The following PTPN3 variants were observed in gnomAD, a reference collection of about 807,000 sequenced individuals.
PTPN3 encodes the protein tyrosine-protein phosphatase non-receptor type 3.
Under a neutral mutation model 132.7 loss-of-function variants are expected in PTPN3, and 96 were observed. The observed-to-expected ratio is 0.72, with a 90% CI of 0.61 to 0.86. The LOEUF is 0.86. PTPN3 is among the 40% of genes least tolerant of loss of function. The pLI, the probability that PTPN3 is intolerant of heterozygous loss-of-function variation, is 0.00. For missense variants in PTPN3, 1,125 were observed against 1,159.6 expected (o/e 0.97, Z 0.43); for synonymous variants, 398 against 429.0 (o/e 0.93, Z 0.89).
At chr9:109,391,005 T>C (rs777346854) in intron 21 of PTPN3, 133 bp downstream of exon 21, 6 of 755,860 alleles carry the variant, frequency 7.9e-6, no homozygotes, top group East Asian at 2.7e-5. Flanking sequence ...TGCCCTCCCA[T>C]GGCTGTTGTG....
chr9:109,460,581 G>A (rs954051933), intron 2 of PTPN3, among the ~76,000 whole-genome samples: 5 of 152,078 alleles, frequency 3.3e-5, no homozygotes, highest in African/African-American at 9.7e-5. Flanking sequence ...GCAACCAAAG[G>A]AAGTGGGCTC....
Position 109,379,324 on chromosome 9 carries a change from T to C in PTPN3, c.*232A>G, listed in dbSNP as rs984822940. On this transcript the variant is annotated 3_prime_UTR_variant, in exon 26 of 26. Transcript: ENST00000374541. ...GACAGGCCCCAAACTGAGATCCTTT[T>C]TGTATCTTTCCATAGAAATACAGGC... The C allele has an allele frequency of 1.9e-6, 1 of 525,834 alleles. No individual in the cohort carries two copies. Among genetic ancestry groups the C allele is most frequent in the East Asian group, 3.2e-5 (1 of 30,972 alleles). The allele number at this position is 525,834 out of a possible 1,614,324, so 32.6% of individuals were successfully genotyped here.
At chr9:109,494,758 T>C (rs541167519) in intron 1 of PTPN3, among the ~76,000 whole-genome samples, 2 of 152,168 alleles carry the variant, frequency 1.3e-5, no homozygotes, top group East Asian at 3.9e-4. Context: ...ATACAAACTG[T>C]CTTTCCAAAT....
intron 13 of PTPN3, among the ~76,000 whole-genome samples, chr9:109,421,383 T>C (rs1364192372): frequency 6.6e-6 from 1 of 152,254 alleles, no homozygotes; most frequent in East Asian, 1.9e-4. Flanking sequence ...CTTTCTTTGT[T>C]AGCCATTTCT....
intron 14 of PTPN3, among the ~76,000 whole-genome samples, chr9:109,417,198 T>G (rs1372038982): frequency 2.0e-5 from 3 of 152,234 alleles, no homozygotes; most frequent in Non-Finnish European, 4.4e-5. Context: ...ATAACTATAA[T>G]CATAAACTTT....
chr9:109,422,924 C>CA, intron 12 of PTPN3, 72 bp from the exon 13 acceptor site: 1 of 1,526,542 alleles, frequency 6.6e-7, no homozygotes, highest in East Asian at 2.3e-5. Context: ...ATGTGTGAAA[C>CA]AGTCTACACA....
At chr9:109,534,283 G>A in the PTPN3 span, 1 of 1,542,256 alleles carries the variant, frequency 6.5e-7, no homozygotes. Context: ...GGCGGGGGGC[G>A]GCGAGCGGCA....
At chr9:109,475,341 G>A (rs900022663) in intron 1 of PTPN3, among the ~76,000 whole-genome samples, 5 of 152,136 alleles carry the variant, frequency 3.3e-5, no homozygotes, top group African/African-American at 4.8e-5. Flanking sequence ...CTTTCTCATC[G>A]GAAATAATTC....
chr9:109,517,522 A>G, the PTPN3 span, among the ~76,000 whole-genome samples: 1 of 152,230 alleles, frequency 6.6e-6, no homozygotes, highest in East Asian at 1.9e-4. Context: ...ATGAATGTGA[A>G]TTAAAATCAG....
At chr9:109,532,944 GTTTTTTTTTTTTTTT>G in the PTPN3 span, 3,425 of 311,434 alleles carry the variant, frequency 0.011, 17 homozygotes, top group South Asian at 0.035. Flanking sequence ...TCTTTTCTGG[GTTTTTTTTTTTTTTT>G]TTTTTTTTTT....
intron 5 of PTPN3, among the ~76,000 whole-genome samples, 194 bp downstream of exon 5, chr9:109,454,302 A>G (rs1845446394): frequency 1.3e-5 from 2 of 152,168 alleles, no homozygotes; most frequent in Admixed American, 1.3e-4. Context: ...TAAGAGAAGC[A>G]GGCCCAAGAC....
intron 2 of PTPN3, among the ~76,000 whole-genome samples, chr9:109,462,593 C>T (rs1845898869): frequency 6.6e-6 from 1 of 151,980 alleles, no homozygotes; most frequent in Admixed American, 6.5e-5. Context: ...GGGCAAAGGT[C>T]ACGGGCTCGG....
the PTPN3 span, among the ~76,000 whole-genome samples, chr9:109,506,039 C>T: frequency 6.6e-6 from 1 of 152,216 alleles, no homozygotes; most frequent in Non-Finnish European, 1.5e-5. Context: ...GCATGAGCCA[C>T]TGCGCCCGGC....
intron 1 of PTPN3, among the ~76,000 whole-genome samples, chr9:109,470,694 CAAA>C (rs11387851): frequency 7.0e-6 from 1 of 143,836 alleles, no homozygotes; most frequent in African/African-American, 2.6e-5. Flanking sequence ...AGACCTCATC[CAAA>C]AAAAAAAAAA....
intron 1 of PTPN3, among the ~76,000 whole-genome samples, chr9:109,475,921 C>T (rs959634794): frequency 3.9e-5 from 6 of 152,152 alleles, no homozygotes; most frequent in African/African-American, 1.2e-4. Context: ...CAGTGTCCCT[C>T]GCCATAATTT....
At chr9:109,391,687 A>C (rs1323053917) in intron 19 of PTPN3, 126 bp from the exon 20 acceptor site, 1 of 672,028 alleles carries the variant, frequency 1.5e-6, no homozygotes, top group Non-Finnish European at 2.4e-6. Flanking sequence ...TATATACTAA[A>C]AGAAAATCTT....
rs1219278747 is a variant in PTPN3 at position 109,441,220 on chromosome 9, A to G, written c.467-2986T>C. 2.6e-5 allele frequency among the ~76,000 whole-genome samples: 4 copies of G among 152,192 alleles called. No homozygotes were observed. In the East Asian group the frequency reaches 7.7e-4, roughly 29 times the overall value. On this transcript the variant is annotated intron_variant, in intron 7 of 25. Transcript: ENST00000374541. ...CAAAAGCTAATTATAGCAAACAAAAAAGGAAGTGCTTATGTGGGAAATACC... is the reference window on the plus strand; with the variant it reads ...CAAAAGCTAATTATAGCAAACAAAAGAGGAAGTGCTTATGTGGGAAATACC...
At chr9:109,516,781 C>T in the PTPN3 span, among the ~76,000 whole-genome samples, 1 of 152,150 alleles carries the variant, frequency 6.6e-6, no homozygotes, top group South Asian at 2.1e-4. Flanking sequence ...CAATGAAGAC[C>T]ACCTGGCAGG....
At chr9:109,529,148 C>T in the PTPN3 span, among the ~76,000 whole-genome samples, 1 of 152,212 alleles carries the variant, frequency 6.6e-6, no homozygotes, top group African/African-American at 2.4e-5. Flanking sequence ...CTATACTCAG[C>T]ACTTCCACCT....
Sources: gnomAD v4.1 joint callset for allele counts (sites outside exome capture counted in the v4.1 genomes callset) on GRCh38, gnomAD v4.1.1 for gene constraint, MANE v1.5 for transcripts, NCBI Gene and HGNC (gene_info 2026-07-23, HGNC 2026-07-21) for gene names.